Variants in NECTIN3 observed in about 807,000 individuals in gnomAD.
NECTIN3 encodes nectin-3.
A neutral mutation model predicts 49.4 loss-of-function variants in NECTIN3; 8 were observed. The observed-to-expected ratio is 0.16, with a 90% CI of 0.10 to 0.29. The LOEUF (loss-of-function observed/expected upper bound fraction) is 0.29. Among genes scored for constraint, NECTIN3 ranks in the 10% least tolerant of loss-of-function variants. The probability of loss-of-function intolerance (pLI) is 1.00; values close to 1 mark genes in which losing one functional copy is unlikely to be tolerated. For missense variants in NECTIN3, 581 were observed against 654.6 expected, an observed-to-expected ratio of 0.89 and a Z score of 1.23; for synonymous variants, 277 against 241.1, an observed-to-expected ratio of 1.15 and a Z score of -1.38.
Position 111,072,446 on chromosome 3 carries a change from C to G in NECTIN3, c.160+269C>G, listed in dbSNP as rs777447134. ...TGGCCGAGGGTTGGCGATGGTGCTT[C>G]GTGCGCCGAACTCCGGGTTTGCTCC... On this transcript the variant is annotated intron_variant, in intron 1 of 5. Transcript: ENST00000485303. 2.0e-6 allele frequency: 3 copies of G among 1,534,858 alleles called. No individual in the cohort carries two copies. In the South Asian group the frequency reaches 3.6e-5, roughly 18 times the overall value.
intron 7 of NECTIN3, among the ~76,000 whole-genome samples, chr3:111,150,612 A>G (rs1403468120): frequency 6.6e-6 from 1 of 151,970 alleles, no homozygotes; most frequent in Non-Finnish European, 1.5e-5. Context: ...AGAAACTACC[A>G]CTTGTAACAT....
At chr3:111,167,778 A>G (rs1418794989) in intron 7 of NECTIN3, among the ~76,000 whole-genome samples, 2 of 152,146 alleles carry the variant, frequency 1.3e-5, no homozygotes, top group African/African-American at 4.8e-5. Flanking sequence ...GTGAGCAGAG[A>G]GGCCACAGAC....
downstream of NECTIN3, among the ~76,000 whole-genome samples, chr3:111,139,167 T>G (rs2034678097): frequency 6.6e-6 from 1 of 151,676 alleles, no homozygotes; most frequent in South Asian, 2.1e-4. Flanking sequence ...TAAAAGACCT[T>G]TTTAGAAAGT....
At chr3:111,187,560 C>CATTT (rs1375987693), upstream of NECTIN3, among the ~76,000 whole-genome samples, 19 of 152,182 alleles carry the variant, frequency 1.2e-4, no homozygotes, top group Admixed American at 1.2e-3. Flanking sequence ...TTGGAAGTAA[C>CATTT]CAATATGCAA....
At chr3:111,096,769 G>C (rs565245880) in intron 1 of NECTIN3, among the ~76,000 whole-genome samples, 1 of 152,200 alleles carries the variant, frequency 6.6e-6, no homozygotes, top group African/African-American at 2.4e-5. Flanking sequence ...GAGCCTGCGG[G>C]TGCACAGAGG....
chr3:111,178,935 G>A (rs1473049622), intron 7 of NECTIN3, among the ~76,000 whole-genome samples: 3 of 152,208 alleles, frequency 2.0e-5, no homozygotes, highest in Admixed American at 1.3e-4. Flanking sequence ...TGCCTCAAGG[G>A]CATAGTGTAA....
intron 1 of NECTIN3, among the ~76,000 whole-genome samples, chr3:111,087,031 G>A (rs548722169): frequency 1.3e-5 from 2 of 152,054 alleles, no homozygotes; most frequent in Non-Finnish European, 2.9e-5. Flanking sequence ...TTTATAAAAT[G>A]TTTTCTCATT....
chr3:111,144,613 T>C (rs1224954716), intron 5 of NECTIN3, among the ~76,000 whole-genome samples: 5 of 152,082 alleles, frequency 3.3e-5, no homozygotes, highest in Non-Finnish European at 7.4e-5. Flanking sequence ...TTCTCTCTCT[T>C]CTTCTCCAGG....
chr3:111,101,997 A>C (rs187891314), intron 1 of NECTIN3, among the ~76,000 whole-genome samples: 80 of 152,266 alleles, frequency 5.3e-4, no homozygotes, highest in African/African-American at 1.9e-3. Flanking sequence ...TGTCACATCT[A>C]GCAGAGTCTT....
rs145062001 is a variant in NECTIN3, at chr3:111,109,308, C to T, written c.161-2722C>T. Among the ~76,000 whole-genome samples the T allele has an allele frequency of 1.3e-3, 198 of 152,204 alleles. 2 individuals carry two copies. Among genetic ancestry groups the T allele is most frequent in the African/African-American group, 4.5e-3 (188 of 41,534 alleles). ...CAAACATTCACTCCATAAAACTTCT[C>T]TTACTCCCTTTGTTGTTGTTGTGGT... On this transcript the variant is annotated intron_variant, in intron 1 of 5. Transcript: ENST00000485303.
chr3:111,086,717 C>T (rs2031953540), intron 1 of NECTIN3, among the ~76,000 whole-genome samples: 1 of 152,060 alleles, frequency 6.6e-6, no homozygotes. Context: ...TTCCTTTTTC[C>T]TTTCCACATA....
At chr3:111,165,019 C>G (rs1006395330) in intron 7 of NECTIN3, among the ~76,000 whole-genome samples, 1 of 151,916 alleles carries the variant, frequency 6.6e-6, no homozygotes, top group East Asian at 1.9e-4. Flanking sequence ...AATCAGAATG[C>G]AGATGTTTTT....
chr3:111,127,378 C>T (rs2034204687), intron 5 of NECTIN3, among the ~76,000 whole-genome samples: 1 of 151,700 alleles, frequency 6.6e-6, no homozygotes, highest in African/African-American at 2.4e-5. Flanking sequence ...TTTATCTTCA[C>T]AATTCAGCAA....
chr3:111,172,406 A>G (rs1444938730), intron 7 of NECTIN3, among the ~76,000 whole-genome samples: 2 of 152,202 alleles, frequency 1.3e-5, no homozygotes, highest in African/African-American at 2.4e-5. Flanking sequence ...AGAAATAAAA[A>G]TAATATCATT....
chr3:111,187,929 C>T (rs1195291566), upstream of NECTIN3, among the ~76,000 whole-genome samples: 1 of 152,090 alleles, frequency 6.6e-6, no homozygotes, highest in Non-Finnish European at 1.5e-5. Context: ...CTAATGTAAA[C>T]TATAAACTTT....
At chr3:111,117,488 T>C (rs888630922) in intron 2 of NECTIN3, among the ~76,000 whole-genome samples, 5 of 152,098 alleles carry the variant, frequency 3.3e-5, no homozygotes, top group African/African-American at 1.2e-4. Flanking sequence ...TGCTGTAAAA[T>C]TGTTCATTGC....
chr3:111,133,604 G>T (rs985150888), intron 5 of NECTIN3, 31 bp from the exon 6 acceptor site: 2 of 1,586,974 alleles, frequency 1.3e-6, no homozygotes, highest in Non-Finnish European at 1.7e-6. Flanking sequence ...TTGCCTTTCT[G>T]TGTCTTCTCT....
At chr3:111,177,596 A>C (rs1047517416) in intron 7 of NECTIN3, among the ~76,000 whole-genome samples, 1 of 152,170 alleles carries the variant, frequency 6.6e-6, no homozygotes, top group Non-Finnish European at 1.5e-5. Context: ...TGATACAGAA[A>C]AGACAGCTAC....
intron 1 of NECTIN3, among the ~76,000 whole-genome samples, chr3:111,079,627 CTA>C (rs1415854975): frequency 6.6e-6 from 1 of 151,594 alleles, no homozygotes; most frequent in Non-Finnish European, 1.5e-5. Flanking sequence ...GCTAACAGTT[CTA>C]TACTTCTCTT....
Sources: gnomAD v4.1 joint callset for allele counts (sites outside exome capture counted in the v4.1 genomes callset) on GRCh38, gnomAD v4.1.1 for gene constraint, MANE v1.5 for transcripts, NCBI Gene and HGNC (gene_info 2026-07-23, HGNC 2026-07-21) for gene names.